The following PLEKHJ1 variants were observed in gnomAD, a reference collection of about 807,000 sequenced individuals.
The protein encoded by PLEKHJ1 is pleckstrin homology domain-containing family J member 1.
In PLEKHJ1, 20 loss-of-function variants were observed where a neutral mutation model predicts 21.7. The observed-to-expected ratio is 0.92, with a 90% CI of 0.65 to 1.34. The LOEUF is 1.34. Among genes scored for constraint, PLEKHJ1 ranks in the 40% most tolerant of loss-of-function variants. The pLI is 0.00. For missense variants in PLEKHJ1, 241 were observed against 202.0 expected (o/e 1.19, Z -1.17); for synonymous variants, 113 against 80.6 (o/e 1.40, Z -2.15).
chr19:2,234,652 T>G, intron 3 of PLEKHJ1: 1 of 199,566 alleles, frequency 5.0e-6, no homozygotes, highest in Non-Finnish European at 1.0e-5. Context: ...GAGGCTGCAG[T>G]GAGCTGTGAT....
At chr19:2,231,654 G>A (rs914353456), downstream of PLEKHJ1, 9 of 214,164 alleles carry the variant, frequency 4.2e-5, no homozygotes, top group South Asian at 5.6e-4. Flanking sequence ...CCCAAGCCCC[G>A]AGCCTGGCCT....
Position 2,234,000 on chromosome 19 carries a change from T to C in PLEKHJ1, c.382A>G (p.Lys128Glu). ...YRNEIRKVTG[K>E]DPLEQFGISE... ...GCCCTCTGCAGCCCTGCACACACCT[T>C]GCCCGTCACCTTCCGGATTTCGTTC... The change falls in exon 5 of 6, where the codon AAG (lysine) becomes GAG (glutamate). Residue 128 changes from lysine to glutamate, a missense_variant and splice_region_variant. Transcript: ENST00000326631. 6.2e-7 allele frequency: 1 copy of C among 1,613,180 alleles called. No homozygotes were observed.
chr19:2,234,318 C>A, intron 3 of PLEKHJ1, 78 bp from the exon 4 acceptor site: 1 of 1,047,988 alleles, frequency 9.5e-7, no homozygotes, highest in South Asian at 1.4e-5. Context: ...TAAACTGTCC[C>A]TTCTCTGGCC....
In PLEKHJ1 at chr19:2,234,240, C is replaced by T. The variant is rs2024714200; in HGVS notation, c.230G>A (p.Ser77Asn). The T allele has an allele frequency of 6.2e-7, 1 of 1,611,448 alleles. No individual in the cohort carries two copies. Among genetic ancestry groups the T allele is most frequent in the Admixed American group, 1.7e-5 (1 of 59,950 alleles). Residue 77 changes from serine (S) to asparagine (N), a missense_variant and splice_region_variant, in exon 4 of 6, where the codon AGC (serine) becomes AAC (asparagine). By Grantham distance (46) the Ser-to-Asn change is conservative. Coordinates refer to ENST00000326631, the MANE Select transcript of PLEKHJ1 (RefSeq NM_018049.3). The stretch of plus-strand genomic sequence containing the variant: ...CTTCCTCTCAGGGTCCTCAATGAAG[C>T]CTGGGGATGGAACACCTGTGGTCGG... ...VREEPGTFSI[S>N]FIEDPERKYH...
downstream of PLEKHJ1, chr19:2,230,890 C>T (rs552038632): frequency 1.4e-3 from 432 of 313,112 alleles, 2 homozygotes; most frequent in Non-Finnish European, 1.8e-3. Context: ...GTCAGGGCCA[C>T]GCCTGGCACC....
chr19:2,232,918 G>A (rs777662920), downstream of PLEKHJ1, among the ~76,000 whole-genome samples: 18 of 152,174 alleles, frequency 1.2e-4, no homozygotes, highest in Non-Finnish European at 2.4e-4. Flanking sequence ...ACTCCGGGAG[G>A]GCCCGTGAAT....
At position 2,234,021 on chromosome 19, in the gene PLEKHJ1, C is replaced by T. The variant is rs200034375; in HGVS notation, c.361G>A (p.Glu121Lys). The T allele has an allele frequency of 2.7e-4, 435 of 1,613,352 alleles. No homozygotes were observed. Among genetic ancestry groups the T allele is most frequent in the Non-Finnish European group, 3.4e-4 (402 of 1,180,008 alleles). Reference sequence around the variant, plus strand: ...ACCTTGCCCGTCACCTTCCGGATTTCGTTCCTGTAGAAGATGAGGCTTCTC... The same window carrying T: ...ACCTTGCCCGTCACCTTCCGGATTTTGTTCCTGTAGAAGATGAGGCTTCTC... ...MRRSLIFYRN[E>K]IRKVTGKDPL... The change falls in exon 5 of 6, where the codon GAA becomes AAA. Residue 121 changes from glutamate (E) to lysine (K), a missense_variant. By Grantham distance (56) the Glu-to-Lys change is moderately conservative (BLOSUM62 1). Coordinates refer to ENST00000326631, the MANE Select transcript of PLEKHJ1 (RefSeq NM_018049.3).
At position 2,234,067 on chromosome 19, in the gene PLEKHJ1, GA is replaced by G. The variant is rs1204263507; in HGVS notation, c.321-7del. 1 of 1,613,524 alleles carries G rather than the reference GA, an allele frequency of 6.2e-7. No homozygotes were observed. Among genetic ancestry groups the G allele is most frequent in the Non-Finnish European group, 8.5e-7 (1 of 1,180,016 alleles). ...TTCTCCGCATGAACTCGTAGCTGGG[GA>G]AAAGGGTGGCACGGGGTCAAATGCC... On this transcript the variant is annotated splice_region_variant and splice_polypyrimidine_tract_variant and intron_variant, in intron 4 of 5. Coordinates refer to ENST00000326631, the MANE Select transcript of PLEKHJ1 (RefSeq NM_018049.3).
downstream of PLEKHJ1, chr19:2,230,648 AT>A (rs2024561031): frequency 2.5e-6 from 1 of 398,420 alleles, no homozygotes; most frequent in South Asian, 1.3e-4. Context: ...GAGTGGCAGT[AT>A]TTTATAGAGA....
rs201226097 is a variant in PLEKHJ1, at chr19:2,233,965, C to T, written c.384+33G>A. On this transcript the variant is annotated intron_variant, in intron 5 of 5. Coordinates refer to ENST00000326631, the MANE Select transcript of PLEKHJ1 (RefSeq NM_018049.3). ...GGAGGACTGCCTCTGCCACCTGCAG[C>T]CCCACCCCGGCCCTCTGCAGCCCTG... The T allele has an allele frequency of 6.8e-6, 11 of 1,611,624 alleles. No individual in the cohort carries two copies. In the Admixed American group the frequency reaches 1.0e-4, roughly 15 times the overall value.
rs2024689805 is a variant in PLEKHJ1 at position 2,233,759 on chromosome 19, C to T, written c.*81G>A. ...CCAAAAACCAAAAACCAAAACAAAACAGATCCAGGCATGGCCAAGCGATTC... is the reference window on the plus strand; with the variant it reads ...CCAAAAACCAAAAACCAAAACAAAATAGATCCAGGCATGGCCAAGCGATTC... On this transcript the variant is annotated 3_prime_UTR_variant, in exon 6 of 6. Transcript: ENST00000326631. 3.6e-6 allele frequency: 5 copies of T among 1,375,190 alleles called. No individual in the cohort carries two copies. The highest frequency in any genetic ancestry group is 5.0e-6 in the Non-Finnish European group (5 of 1,007,238). 85.2% of individuals were successfully genotyped at this position (1,375,190 alleles called of 1,614,324 possible). A position where few individuals can be genotyped will look rare whatever the true frequency, so the allele number is the denominator to read the frequency against.
chr19:2,231,866 C>G (rs889861273), downstream of PLEKHJ1: 19 of 220,430 alleles, frequency 8.6e-5, no homozygotes, highest in Non-Finnish European at 1.4e-4. Flanking sequence ...CCACGCAGGC[C>G]ACCGTATGTT....
chr19:2,230,132 G>C, downstream of PLEKHJ1: 2 of 511,606 alleles, frequency 3.9e-6, no homozygotes, highest in Non-Finnish European at 6.8e-6. Context: ...GGGCGGGCCC[G>C]CCAGCGGATT....
At chr19:2,232,144 G>A (rs1356700309), downstream of PLEKHJ1, 2 of 223,226 alleles carry the variant, frequency 9.0e-6, no homozygotes, top group Non-Finnish European at 1.8e-5. Context: ...GCGGGGACCT[G>A]TGCTGCTGCT....
downstream of PLEKHJ1, chr19:2,232,167 T>G: frequency 4.6e-6 from 1 of 216,162 alleles, no homozygotes. Context: ...TGACTGTGGG[T>G]GGGCGGGCGG....
At chr19:2,230,089 T>C (rs2144964510), downstream of PLEKHJ1, 1 of 582,980 alleles carries the variant, frequency 1.7e-6, no homozygotes, top group Non-Finnish European at 3.0e-6. Flanking sequence ...AATATCTATA[T>C]ATGAGAGCTC....
chr19:2,236,025 G>C, intron 1 of PLEKHJ1, 35 bp from the exon 2 acceptor site: 1 of 1,562,532 alleles, frequency 6.4e-7, no homozygotes, highest in Middle Eastern at 1.8e-4. Flanking sequence ...GGCGCAGGCA[G>C]CCCCCGCCCG....
At position 2,234,186 on chromosome 19, in the gene PLEKHJ1, T is replaced by C; in HGVS notation, c.284A>G (p.Gln95Arg). Reference protein sequence around the residue: ...KYHFECSSEEQCQEWMEALRR... With the variant: ...KYHFECSSEERCQEWMEALRR... ...CAGAGCCTCCATCCACTCCTGACAC[T>C]GCTCCTCGCTGCTGCACTCAAAGTG... Residue 95 changes from glutamine to arginine, a missense_variant, in exon 4 of 6, where the codon CAG (glutamine) becomes CGG (arginine). Physicochemically the swap from Gln to Arg is conservative, Grantham distance 43 (BLOSUM62 1). Transcript: ENST00000326631. 2 of 1,613,116 alleles carry C rather than the reference T, an allele frequency of 1.2e-6. No individual in the cohort carries two copies. The highest frequency in any genetic ancestry group is 2.2e-5 in the South Asian group (2 of 91,088).
chr19:2,233,730 TGACCCAA>T lies in PLEKHJ1; in HGVS notation c.*103_*109del. ...TAGCCTGGGCAACACAGTGAAACCCTGACCCAAAAACCAAAAACCAAAACAAAACAGA... is the reference window on the plus strand; with the variant it reads ...TAGCCTGGGCAACACAGTGAAACCCTAAACCAAAAACCAAAACAAAACAGA... On this transcript the variant is annotated 3_prime_UTR_variant, in exon 6 of 6. Transcript: ENST00000326631. 9.8e-7 allele frequency: 1 copy of T among 1,022,582 alleles called. No individual in the cohort carries two copies. Among genetic ancestry groups the T allele is most frequent in the Middle Eastern group, 3.0e-4 (1 of 3,288 alleles). The allele number at this position is 1,022,582 out of a possible 1,614,324, so 63.3% of individuals were successfully genotyped here.
Sources: gnomAD v4.1 joint callset for allele counts (sites outside exome capture counted in the v4.1 genomes callset) on GRCh38, gnomAD v4.1.1 for gene constraint, MANE v1.5 for transcripts, NCBI Gene and HGNC (gene_info 2026-07-23, HGNC 2026-07-21) for gene names.